Variants in SORCS3 observed in about 807,000 individuals in gnomAD.
The protein encoded by SORCS3 is VPS10 domain-containing receptor SorCS3.
A neutral mutation model predicts 146.3 loss-of-function variants in SORCS3; 57 were observed. The observed-to-expected ratio is 0.39, with a 90% CI of 0.31 to 0.49. The LOEUF is 0.49. SORCS3 is among the 20% of genes least tolerant of loss of function. SORCS3 has a pLI of 0.92. For synonymous variants in SORCS3, 653 were observed against 618.5 expected, an observed-to-expected ratio of 1.06 and a Z score of -0.83; for missense variants, 1,341 against 1,575.5, an observed-to-expected ratio of 0.85 and a Z score of 2.52.
intron 4 of SORCS3, among the ~76,000 whole-genome samples, chr10:104,998,478 T>C (rs1323244295): frequency 6.6e-6 from 1 of 152,164 alleles, no homozygotes; most frequent in Non-Finnish European, 1.5e-5. Flanking sequence ...GCAGAGGATG[T>C]CAATTTTCAT....
intron 14 of SORCS3, among the ~76,000 whole-genome samples, chr10:105,192,992 A>G (rs886831555): frequency 2.6e-5 from 4 of 152,204 alleles, no homozygotes; most frequent in African/African-American, 9.7e-5. Context: ...AATTATAGCA[A>G]TTATATACAG....
At chr10:105,105,744 G>T (rs942748409) in intron 7 of SORCS3, among the ~76,000 whole-genome samples, 3 of 152,154 alleles carry the variant, frequency 2.0e-5, no homozygotes, top group African/African-American at 7.2e-5. Context: ...GGAGCTGTCT[G>T]AATTGGCTAG....
At chr10:104,812,961 A>C (rs1349861612) in intron 1 of SORCS3, among the ~76,000 whole-genome samples, 5 of 152,196 alleles carry the variant, frequency 3.3e-5, no homozygotes, top group African/African-American at 1.2e-4. Flanking sequence ...TTTCTGTGGC[A>C]CTGCAATTTG....
intron 16 of SORCS3, among the ~76,000 whole-genome samples, chr10:105,206,139 C>T (rs2056600672): frequency 6.6e-6 from 1 of 151,968 alleles, no homozygotes; most frequent in Non-Finnish European, 1.5e-5. Context: ...CCGCAGTGGA[C>T]AAGTCAGAGG....
intron 11 of SORCS3, among the ~76,000 whole-genome samples, chr10:105,162,355 C>T (rs1408845254): frequency 6.6e-6 from 1 of 152,150 alleles, no homozygotes. Context: ...CTCAAGTGGG[C>T]AACAGCTGCA....
intron 1 of SORCS3, among the ~76,000 whole-genome samples, chr10:104,777,983 G>A (rs1408971703): frequency 6.6e-6 from 1 of 152,164 alleles, no homozygotes; most frequent in African/African-American, 2.4e-5. Context: ...AGGGGAGGGA[G>A]GGTTGAAGGT....
chr10:105,132,320 T>C (rs1443941756), intron 7 of SORCS3, among the ~76,000 whole-genome samples: 1 of 152,156 alleles, frequency 6.6e-6, no homozygotes, highest in East Asian at 1.9e-4. Flanking sequence ...ATGATAGTAA[T>C]AATAATTATT....
At chr10:104,684,826 T>C (rs1233626469) in intron 1 of SORCS3, among the ~76,000 whole-genome samples, 3 of 61,834 alleles carry the variant, frequency 4.9e-5, no homozygotes, top group Non-Finnish European at 8.6e-5. Context: ...TTTTTTTTTT[T>C]TTTTTTTATG....
intron 13 of SORCS3, among the ~76,000 whole-genome samples, chr10:105,173,580 C>T (rs1037619503): frequency 6.6e-6 from 1 of 152,190 alleles, no homozygotes; most frequent in Admixed American, 6.5e-5. Context: ...TACCACCCCT[C>T]CCCAACTCAT....
intron 17 of SORCS3, among the ~76,000 whole-genome samples, chr10:105,213,610 G>A (rs1471269179): frequency 1.3e-5 from 2 of 152,302 alleles, no homozygotes; most frequent in East Asian, 3.9e-4. Flanking sequence ...CCATCATGCA[G>A]ATCAGGGTTG....
chr10:104,837,810 A>G (rs2496016), intron 1 of SORCS3, among the ~76,000 whole-genome samples: 126,609 of 152,174 alleles, frequency 0.83, 53,181 homozygotes, highest in East Asian at 0.97. Context: ...GGGCAAGGGT[A>G]CGTTTTTCTC....
At chr10:105,112,856 T>A (rs2055867405) in intron 7 of SORCS3, among the ~76,000 whole-genome samples, 1 of 152,196 alleles carries the variant, frequency 6.6e-6, no homozygotes, top group African/African-American at 2.4e-5. Context: ...TGGTTTTTCA[T>A]GACTATAGAG....
intron 14 of SORCS3, among the ~76,000 whole-genome samples, 159 bp downstream of exon 14, chr10:105,178,332 T>G (rs993110663): frequency 6.6e-6 from 1 of 152,178 alleles, no homozygotes; most frequent in Non-Finnish European, 1.5e-5. Context: ...TTTTTATACC[T>G]ACAAACTCAA....
intron 16 of SORCS3, among the ~76,000 whole-genome samples, chr10:105,206,662 C>T: frequency 6.6e-6 from 1 of 152,116 alleles, no homozygotes; most frequent in East Asian, 1.9e-4. Context: ...TTGGATTTTC[C>T]AAGCATTTTC....
At chr10:104,647,574 C>T (rs1589445937) in intron 1 of SORCS3, among the ~76,000 whole-genome samples, 2 of 152,134 alleles carry the variant, frequency 1.3e-5, no homozygotes, top group African/African-American at 4.8e-5. Flanking sequence ...CCATCAAGTG[C>T]GAGTTCTGTT....
chr10:104,873,030 A>G (rs957050602), intron 2 of SORCS3, among the ~76,000 whole-genome samples: 2 of 152,232 alleles, frequency 1.3e-5, no homozygotes, highest in Non-Finnish European at 2.9e-5. Flanking sequence ...AAGCTCCCAC[A>G]CAGTAAATGT....
At chr10:104,742,674 C>T (rs879263445) in intron 1 of SORCS3, among the ~76,000 whole-genome samples, 1 of 152,180 alleles carries the variant, frequency 6.6e-6, no homozygotes, top group African/African-American at 2.4e-5. Flanking sequence ...CAGGTCTGGG[C>T]CCCATCCAGC....
At chr10:105,094,672 T>G (rs1431978980) in intron 6 of SORCS3, among the ~76,000 whole-genome samples, 1 of 152,064 alleles carries the variant, frequency 6.6e-6, no homozygotes, top group Non-Finnish European at 1.5e-5. Flanking sequence ...TTTAATGGAG[T>G]TGGGAATATA....
chr10:105,085,760 G>A, intron 5 of SORCS3, among the ~76,000 whole-genome samples: 1 of 152,142 alleles, frequency 6.6e-6, no homozygotes, highest in East Asian at 1.9e-4. Flanking sequence ...TGGTCTGTCT[G>A]TCTCTTAGAG....
Sources: allele counts gnomAD v4.1 joint callset (sites outside exome capture counted in the v4.1 genomes callset), GRCh38; gene constraint gnomAD v4.1.1; transcripts MANE v1.5; gene names NCBI Gene and HGNC (gene_info 2026-07-23, HGNC 2026-07-21).